Variants in TRPM3 observed in about 807,000 individuals in gnomAD.
TRPM3 encodes the protein transient receptor potential cation channel subfamily M member 3, also known as long transient receptor potential channel 3.
In TRPM3, 77 loss-of-function variants were observed where a neutral mutation model predicts 181.2. The ratio of observed to expected loss-of-function variants is 0.42; its 90% CI spans 0.35 to 0.51. The LOEUF (loss-of-function observed/expected upper bound fraction) is 0.51, where lower values mean the gene tolerates loss of function less well. Among genes scored for constraint, TRPM3 ranks in the 20% least tolerant of loss-of-function variants. The probability of loss-of-function intolerance (pLI) is 0.01; values close to 1 mark genes in which losing one functional copy is unlikely to be tolerated. For missense variants in TRPM3, 1,759 were observed against 2,196.7 expected (o/e 0.80, Z 3.98); for synonymous variants, 745 against 796.4 (o/e 0.94, Z 1.09).
At chr9:71,310,356 T>C (rs927902016) in intron 1 of TRPM3, among the ~76,000 whole-genome samples, 1 of 152,028 alleles carries the variant, frequency 6.6e-6, no homozygotes, top group Non-Finnish European at 1.5e-5. Flanking sequence ...TGAAGGGTGA[T>C]TTAATTACAG....
chr9:70,972,727 ATGT>A (rs1564877128), intron 1 of TRPM3, among the ~76,000 whole-genome samples: 1 of 152,106 alleles, frequency 6.6e-6, no homozygotes, highest in Non-Finnish European at 1.5e-5. Flanking sequence ...ATCAGTGTAG[ATGT>A]TACTTTTCTA....
At chr9:70,543,422 A>G (rs2043999785) in intron 25 of TRPM3, among the ~76,000 whole-genome samples, 1 of 152,224 alleles carries the variant, frequency 6.6e-6, no homozygotes, top group Non-Finnish European at 1.5e-5. Context: ...GTGCTATCAA[A>G]CAGCAGATCT....
intron 1 of TRPM3, among the ~76,000 whole-genome samples, chr9:71,307,973 T>TC (rs964719339): frequency 7.9e-5 from 12 of 151,336 alleles, no homozygotes; most frequent in African/African-American, 2.9e-4. Context: ...TTTCTTTCTT[T>TC]CTTTTTTTTT....
chr9:70,607,352 T>G (rs2061345145), intron 19 of TRPM3, among the ~76,000 whole-genome samples: 1 of 152,208 alleles, frequency 6.6e-6, no homozygotes, highest in Non-Finnish European at 1.5e-5. Flanking sequence ...TGTCTGGTGA[T>G]TCAAAAGACT....
chr9:70,974,556 A>ATG (rs2097283020), intron 1 of TRPM3, among the ~76,000 whole-genome samples: 3 of 150,876 alleles, frequency 2.0e-5, no homozygotes, highest in East Asian at 2.0e-4. Context: ...ACAAACAAAC[A>ATG]AACAAACAAA....
chr9:70,625,274 A>AC lies in TRPM3; in HGVS notation c.1725dup (p.Tyr576ValfsTer40). The AC allele has an allele frequency of 6.2e-7, 1 of 1,614,122 alleles. No homozygotes were observed. Among genetic ancestry groups the AC allele is most frequent in the Non-Finnish European group, 8.5e-7 (1 of 1,180,040 alleles). On this transcript the variant is annotated frameshift_variant, in exon 14 of 26. Transcript: ENST00000677713. LOFTEE classifies it high-confidence loss of function. The surrounding 1 kb of genome is among the most constrained non-coding windows in gnomAD (Gnocchi z 4.8). ...CAGCGATAAGCCCCGCCCATCAGGT[A>AC]CTCGATCACCAGGCCGATGTCAATC...
At chr9:70,769,180 C>T (rs2079722918) in intron 7 of TRPM3, among the ~76,000 whole-genome samples, 1 of 152,154 alleles carries the variant, frequency 6.6e-6, no homozygotes, top group Non-Finnish European at 1.5e-5. Flanking sequence ...TACTTGCATA[C>T]AGAATTTAAG....
chr9:70,826,196 T>C (rs751990627), intron 6 of TRPM3: 2 of 152,232 alleles, frequency 1.3e-5, no homozygotes, highest in Non-Finnish European at 2.9e-5. Context: ...TATAAAAACC[T>C]AAATAGATAA....
chr9:71,098,717 G>A (rs955732267), intron 1 of TRPM3, among the ~76,000 whole-genome samples: 3 of 152,098 alleles, frequency 2.0e-5, no homozygotes, highest in Non-Finnish European at 4.4e-5. Context: ...GTAAATGTAT[G>A]GATATAATTG....
At chr9:70,867,524 C>T (rs12378024) in intron 1 of TRPM3, among the ~76,000 whole-genome samples, 63,805 of 151,880 alleles carry the variant, frequency 0.42, 13,591 homozygotes, top group Admixed American at 0.45. Context: ...AGCAAAAAGA[C>T]TGAGAATCGT....
chr9:71,311,981 G>A (rs2087992271), intron 1 of TRPM3, among the ~76,000 whole-genome samples: 1 of 152,092 alleles, frequency 6.6e-6, no homozygotes, highest in Non-Finnish European at 1.5e-5. Context: ...CCAGTTGGAT[G>A]AGCTTATCTA....
rs555250082 is a variant in TRPM3 at position 71,016,613 on chromosome 9, T to G, written c.177+104565A>C. Among the ~76,000 whole-genome samples the G allele has an allele frequency of 2.0e-5, 3 of 152,350 alleles. No homozygotes were observed. The South Asian group carries it at 6.2e-4, about 32-fold the overall frequency. On this transcript the variant is annotated intron_variant, in intron 1 of 25. Transcript: ENST00000677713. ...AATTTCCTTCCTTTTTAAAGCTGAATGATATGCCATTATGTGTATATTCCA... is the reference window on the plus strand; with the variant it reads ...AATTTCCTTCCTTTTTAAAGCTGAAGGATATGCCATTATGTGTATATTCCA...
rs1565556751 is a variant in TRPM3 at position 71,420,701 on chromosome 9, G to GAGAGAAAGAGAA, written c.183+25951_183+25952insTTCTCTTTCTCT. 4.2e-4 allele frequency among the ~76,000 whole-genome samples: 5 copies of GAGAGAAAGAGAA among 11,876 alleles called. No individual in the cohort carries two copies. In the East Asian group the frequency reaches 0.061, roughly 145 times the overall value. The allele number at this position is 11,876 out of a possible 152,430, so 7.8% of individuals were successfully genotyped here. A position where few individuals can be genotyped will look rare whatever the true frequency, so the allele number is the denominator to read the frequency against. On this transcript the variant is annotated intron_variant, in intron 1 of 24. Transcript: ENST00000357533. ...AAAGAAAGAGAAAGGGAAAGAGAAA[G>GAGAGAAAGAGAA]AGAGAGAAAGAAAGAGAGAAAGAGA...
chr9:70,978,985 GT>G (rs933966253), intron 1 of TRPM3, among the ~76,000 whole-genome samples: 1 of 152,214 alleles, frequency 6.6e-6, no homozygotes, highest in Non-Finnish European at 1.5e-5. Flanking sequence ...AAGATTGAGT[GT>G]TACTGCCCTG....
chr9:70,988,123 AAC>A (rs2097439389), intron 1 of TRPM3, among the ~76,000 whole-genome samples: 1 of 152,174 alleles, frequency 6.6e-6, no homozygotes. Context: ...ATCTCTTGGA[AAC>A]ACTGCTATTG....
intron 1 of TRPM3, among the ~76,000 whole-genome samples, chr9:71,017,238 C>T (rs1315667913): frequency 1.3e-5 from 2 of 151,578 alleles, no homozygotes; most frequent in Non-Finnish European, 2.9e-5. Flanking sequence ...GAAAGATTAA[C>T]CTTTTAAATA....
intron 1 of TRPM3, among the ~76,000 whole-genome samples, chr9:71,424,244 T>C (rs1279742776): frequency 2.0e-5 from 3 of 152,160 alleles, no homozygotes; most frequent in African/African-American, 7.2e-5. Flanking sequence ...TGCATTTTTG[T>C]TTACATATAG....
At chr9:71,097,233 T>C (rs1215000287) in intron 1 of TRPM3, among the ~76,000 whole-genome samples, 1 of 152,098 alleles carries the variant, frequency 6.6e-6, no homozygotes, top group Non-Finnish European at 1.5e-5. Flanking sequence ...CTCTGTCTTG[T>C]AGTGATATTC....
At chr9:70,586,264 A>C (rs1211725252) in intron 22 of TRPM3, among the ~76,000 whole-genome samples, 1 of 152,262 alleles carries the variant, frequency 6.6e-6, no homozygotes, top group Middle Eastern at 3.2e-3. Context: ...CCCAGCTCAC[A>C]GTACAAACAA....
Sources: allele counts gnomAD v4.1 joint callset (sites outside exome capture counted in the v4.1 genomes callset), GRCh38; gene constraint gnomAD v4.1.1; non-coding constraint Gnocchi (gnomAD v3.1); transcripts MANE v1.5; gene names NCBI Gene and HGNC (gene_info 2026-07-23, HGNC 2026-07-21).